The following GABRB1 variants were observed in gnomAD, a reference collection of about 807,000 sequenced individuals.
The protein encoded by GABRB1 is gamma-aminobutyric acid type A receptor subunit beta1, also known as gamma-aminobutyric acid receptor subunit beta-1.
A neutral mutation model predicts 51.6 loss-of-function variants in GABRB1; 17 were observed. That is an observed-to-expected ratio of 0.33 (90% CI 0.23 to 0.49). GABRB1 has a LOEUF of 0.49. Ranked by LOEUF, GABRB1 falls within the 20% of genes least tolerant of loss-of-function variation. The probability of loss-of-function intolerance (pLI) is 0.99; values close to 1 mark genes in which losing one functional copy is unlikely to be tolerated. For missense variants in GABRB1, 410 were observed against 600.6 expected (o/e 0.68, Z 3.32); for synonymous variants, 247 against 218.9 (o/e 1.13, Z -1.14).
chr4:47,162,339 T>A (rs1717997765), intron 4 of GABRB1, among the ~76,000 whole-genome samples: 1 of 152,060 alleles, frequency 6.6e-6, no homozygotes, highest in South Asian at 2.1e-4. Context: ...CCTTCTGAAG[T>A]ATCCTGGGAG....
intron 3 of GABRB1, among the ~76,000 whole-genome samples, chr4:47,033,258 C>G (rs1308951956): frequency 6.6e-6 from 1 of 152,210 alleles, no homozygotes; most frequent in Non-Finnish European, 1.5e-5. Flanking sequence ...ACAGTCCTTT[C>G]ATTTCAAAGG....
chr4:47,240,537 A>T (rs1476177687), intron 4 of GABRB1, among the ~76,000 whole-genome samples: 1 of 152,220 alleles, frequency 6.6e-6, no homozygotes, highest in Non-Finnish European at 1.5e-5. Context: ...GACAGAAAGG[A>T]AAAGGTGATG....
At chr4:47,142,036 CA>C (rs1452889251) in intron 3 of GABRB1, among the ~76,000 whole-genome samples, 1 of 151,862 alleles carries the variant, frequency 6.6e-6, no homozygotes, top group African/African-American at 2.4e-5. Context: ...AATATAATTC[CA>C]TCCCTAAGGG....
At chr4:47,131,377 C>T (rs531822740) in intron 3 of GABRB1, among the ~76,000 whole-genome samples, 10 of 152,180 alleles carry the variant, frequency 6.6e-5, no homozygotes, top group African/African-American at 1.9e-4. Flanking sequence ...AGGCTGGTCT[C>T]GAACTCCTGA....
chr4:47,377,289 G>A (rs927336224), intron 5 of GABRB1, among the ~76,000 whole-genome samples: 2 of 152,130 alleles, frequency 1.3e-5, no homozygotes, highest in African/African-American at 4.8e-5. Context: ...GATTGTGTCC[G>A]GAATTGGTGG....
intron 5 of GABRB1, among the ~76,000 whole-genome samples, chr4:47,393,306 T>C (rs777237769): frequency 6.6e-6 from 1 of 152,242 alleles, no homozygotes; most frequent in Non-Finnish European, 1.5e-5. Context: ...GAATCAGTCC[T>C]TGACCTCAAG....
intron 3 of GABRB1, among the ~76,000 whole-genome samples, chr4:47,052,418 A>T (rs58651337): frequency 1.3e-5 from 2 of 151,972 alleles, no homozygotes; most frequent in Non-Finnish European, 2.9e-5. Context: ...ATACCCACAC[A>T]AACAAACACA....
At chr4:47,178,573 A>T (rs1395826493) in intron 4 of GABRB1, among the ~76,000 whole-genome samples, 1 of 152,118 alleles carries the variant, frequency 6.6e-6, no homozygotes, top group Non-Finnish European at 1.5e-5. Flanking sequence ...AGTATTATGT[A>T]CTTTGGTCTT....
intron 4 of GABRB1, among the ~76,000 whole-genome samples, chr4:47,226,041 C>A (rs1047876904): frequency 1.3e-5 from 2 of 152,126 alleles, no homozygotes; most frequent in African/African-American, 4.8e-5. Context: ...GGATTATATC[C>A]ATTCATTCAT....
intron 3 of GABRB1, among the ~76,000 whole-genome samples, chr4:47,033,411 C>G (rs1432621365): frequency 6.6e-6 from 1 of 152,152 alleles, no homozygotes; most frequent in Non-Finnish European, 1.5e-5. Context: ...ACTGTTGCTT[C>G]TCGTAAGACG....
intron 1 of GABRB1, among the ~76,000 whole-genome samples, chr4:47,024,653 AT>A (rs1474884509): frequency 1.3e-5 from 2 of 151,356 alleles, no homozygotes; most frequent in Admixed American, 6.6e-5. Context: ...GATTTGTGAG[AT>A]TTTGGTGCAC....
At chr4:47,019,888 A>ATATATGTATATG (rs56015998) in intron 1 of GABRB1, among the ~76,000 whole-genome samples, 11,911 of 139,570 alleles carry the variant, frequency 0.085, 778 homozygotes, top group South Asian at 0.23. Flanking sequence ...TATATATATA[A>ATATATGTATATG]TATATGTATA....
chr4:47,254,206 C>T (rs1258211611), intron 4 of GABRB1, among the ~76,000 whole-genome samples: 1 of 152,000 alleles, frequency 6.6e-6, no homozygotes, highest in African/African-American at 2.4e-5. Context: ...GAAAATCTCC[C>T]TAAATTTATT....
intron 4 of GABRB1, among the ~76,000 whole-genome samples, chr4:47,317,407 T>G (rs1448581585): frequency 6.6e-6 from 1 of 151,912 alleles, no homozygotes; most frequent in Non-Finnish European, 1.5e-5. Flanking sequence ...ATTTTTAATA[T>G]TTATTGTGGG....
At chr4:47,141,094 A>T (rs915903148) in intron 3 of GABRB1, among the ~76,000 whole-genome samples, 4 of 151,850 alleles carry the variant, frequency 2.6e-5, no homozygotes, top group Non-Finnish European at 5.9e-5. Flanking sequence ...TTTTTTTTAA[A>T]AAAAAACAAC....
At chr4:47,154,883 AC>A (rs1717622210) in intron 3 of GABRB1, among the ~76,000 whole-genome samples, 1 of 151,954 alleles carries the variant, frequency 6.6e-6, no homozygotes, top group African/African-American at 2.4e-5. Context: ...CTTTTGATTC[AC>A]AGTCTCTCCT....
chr4:47,019,578 C>CTCT (rs1453751115), intron 1 of GABRB1, among the ~76,000 whole-genome samples: 8 of 100,046 alleles, frequency 8.0e-5, no homozygotes, highest in African/African-American at 1.7e-4. Context: ...TCTCTCTCTC[C>CTCT]CTCCTTCCTC....
chr4:47,045,164 A>G (rs1330686301), intron 3 of GABRB1, among the ~76,000 whole-genome samples: 1 of 152,068 alleles, frequency 6.6e-6, no homozygotes, highest in Non-Finnish European at 1.5e-5. Context: ...CAAGTCCTTG[A>G]CAAAACATAC....
intron 4 of GABRB1, among the ~76,000 whole-genome samples, chr4:47,193,687 T>A (rs1023776): frequency 0.71 from 106,940 of 151,378 alleles, 38,216 homozygotes; most frequent in Middle Eastern, 0.86. Context: ...GAGTCTACAC[T>A]GAAAGCATTT....
Sources: allele counts gnomAD v4.1 joint callset (sites outside exome capture counted in the v4.1 genomes callset), GRCh38; gene constraint gnomAD v4.1.1; transcripts MANE v1.5; gene names NCBI Gene and HGNC (gene_info 2026-07-23, HGNC 2026-07-21).